Variants in RELL1 observed in about 807,000 individuals in gnomAD.
RELL1 encodes RELT-like protein 1.
RELL1 carries 10 observed loss-of-function variants against 23.0 expected under a neutral mutation model. The observed-to-expected ratio is 0.43, with a 90% CI of 0.27 to 0.74. RELL1 has a LOEUF of 0.74. Ranked by LOEUF, RELL1 falls within the 30% of genes least tolerant of loss-of-function variation. The pLI, the probability that RELL1 is intolerant of heterozygous loss-of-function variation, is 0.19. For synonymous variants in RELL1, 146 were observed against 146.8 expected, an observed-to-expected ratio of 0.99 and a Z score of 0.04; for missense variants, 315 against 364.4, an observed-to-expected ratio of 0.86 and a Z score of 1.10.
In RELL1 at chr4:37,678,015, A is replaced by T. The variant is rs1018414697; in HGVS notation, c.88+8185T>A. The stretch of plus-strand genomic sequence containing the variant: ...CCTGAGACTGAGTAATTTATTTTTT[A>T]AAAAAAGAGGTTTAATTGGCTCACA... On this transcript the variant is annotated intron_variant, in intron 1 of 6. Coordinates refer to ENST00000454158, the MANE Select transcript of RELL1 (RefSeq NM_001085400.2). 1.6e-4 allele frequency among the ~76,000 whole-genome samples: 25 copies of T among 152,282 alleles called. No individual in the cohort carries two copies. The East Asian group carries it at 2.1e-3, about 13-fold the overall frequency.
rs1560319798 is a variant in RELL1 at position 37,596,724 on chromosome 4, A to G, written c.*4-5507T>C. ...CAAAACTGGGCATATATATATATAT[A>G]TATATATATATATTTTTTTTTTTTT... On this transcript the variant is annotated intron_variant, in intron 6 of 6. Coordinates refer to the RELL1 transcript ENST00000314117. 1.7e-4 allele frequency among the ~76,000 whole-genome samples: 2 copies of G among 12,112 alleles called. 1 individual carries two copies. Among genetic ancestry groups the G allele is most frequent in the African/African-American group, 4.2e-4 (2 of 4,722 alleles). The allele number at this position is 12,112 out of a possible 152,430, so 7.9% of individuals were successfully genotyped here.
intron 1 of RELL1, among the ~76,000 whole-genome samples, chr4:37,670,090 G>C (rs2109307879): frequency 6.7e-6 from 1 of 149,258 alleles, no homozygotes; most frequent in East Asian, 2.0e-4. Flanking sequence ...AAAGGAACCT[G>C]TTAAAAAAAA....
At chr4:37,644,078 G>GA (rs1560343779) in intron 3 of RELL1, among the ~76,000 whole-genome samples, 2 of 152,122 alleles carry the variant, frequency 1.3e-5, no homozygotes, top group East Asian at 3.9e-4. Flanking sequence ...GGAGAGAGGA[G>GA]AAAAATGGCA....
downstream of RELL1, chr4:37,590,077 C>T (rs1181139888): frequency 6.3e-7 from 1 of 1,597,956 alleles, no homozygotes; most frequent in Non-Finnish European, 8.5e-7. Flanking sequence ...TTTTCATTGT[C>T]TTTCCTGAAG....
At chr4:37,683,908 C>T (rs1231767124) in intron 1 of RELL1, among the ~76,000 whole-genome samples, 3 of 151,504 alleles carry the variant, frequency 2.0e-5, no homozygotes, top group African/African-American at 4.8e-5. Context: ...GGTGAAACCC[C>T]GTCTCTACTA....
intron 1 of RELL1, among the ~76,000 whole-genome samples, chr4:37,660,840 G>GT (rs1721317491): frequency 6.6e-6 from 1 of 152,074 alleles, no homozygotes; most frequent in Non-Finnish European, 1.5e-5. Flanking sequence ...GACCATCCTG[G>GT]CTAACACGGT....
chr4:37,604,824 CACACACATACACACAG>C (rs201847101), intron 6 of RELL1, among the ~76,000 whole-genome samples: 3 of 98,828 alleles, frequency 3.0e-5, no homozygotes, highest in African/African-American at 4.5e-5. Flanking sequence ...CACACACAGA[CACACACATACACACAG>C]ACACACACAC....
At chr4:37,616,590 C>G (rs939874462) in intron 6 of RELL1, among the ~76,000 whole-genome samples, 6 of 152,352 alleles carry the variant, frequency 3.9e-5, no homozygotes, top group African/African-American at 1.2e-4. Flanking sequence ...AAGTATACAC[C>G]TACACAACAC....
At position 37,612,245 on chromosome 4, in the gene RELL1, C is replaced by T. The variant is rs1202194012; in HGVS notation, c.*1101G>A. ...TTGTTTTGGCCTTGGGTTGTCCAAA[C>T]AAATTTGTGTGTGTGTGACTTTCAA... On this transcript the variant is annotated 3_prime_UTR_variant, in exon 7 of 7. Coordinates refer to ENST00000454158, the MANE Select transcript of RELL1 (RefSeq NM_001085400.2). 7.2e-5 allele frequency among the ~76,000 whole-genome samples: 9 copies of T among 125,508 alleles called. No homozygotes were observed. Among genetic ancestry groups the T allele is most frequent in the African/African-American group, 2.4e-4 (8 of 33,340 alleles). The allele number at this position is 125,508 out of a possible 152,430, so 82.3% of individuals were successfully genotyped here.
At chr4:37,666,656 G>A (rs912072286) in intron 1 of RELL1, among the ~76,000 whole-genome samples, 3 of 152,168 alleles carry the variant, frequency 2.0e-5, no homozygotes, top group Admixed American at 1.3e-4. Flanking sequence ...TGGGCTGGAA[G>A]GGGCAGTGTT....
intron 6 of RELL1, among the ~76,000 whole-genome samples, chr4:37,619,090 G>T (rs768400691): frequency 2.6e-5 from 4 of 151,996 alleles, no homozygotes; most frequent in Non-Finnish European, 5.9e-5. Flanking sequence ...TGTTAGTCAG[G>T]CTGGTCTTGA....
Position 37,660,248 on chromosome 4 carries a change from A to G in RELL1, c.89-10748T>C, listed in dbSNP as rs193270959. On this transcript the variant is annotated intron_variant, in intron 1 of 6. Transcript: ENST00000454158. The stretch of plus-strand genomic sequence containing the variant: ...CAGCTACCTGTGTGATACTGAACAA[A>G]TCACTTCACCTCCCTGGGCCTCAGT... Among the ~76,000 whole-genome samples the G allele has an allele frequency of 1.1e-3, 172 of 151,378 alleles. 1 individual carries two copies. The highest frequency in any genetic ancestry group is 3.4e-3 in the African/African-American group (140 of 41,186).
downstream of RELL1, chr4:37,590,565 A>G (rs1342824130): frequency 6.2e-7 from 1 of 1,614,198 alleles, no homozygotes; most frequent in East Asian, 2.2e-5. Flanking sequence ...CTGAGGCAGA[A>G]AGTTTTGCCT....
intron 1 of RELL1, among the ~76,000 whole-genome samples, chr4:37,650,027 G>A (rs1720853562): frequency 6.6e-6 from 1 of 152,188 alleles, no homozygotes; most frequent in Non-Finnish European, 1.5e-5. Context: ...GGTTTCTTAT[G>A]AAATGGGCAT....
At chr4:37,667,552 A>C (rs1425560067) in intron 1 of RELL1, among the ~76,000 whole-genome samples, 4 of 149,308 alleles carry the variant, frequency 2.7e-5, no homozygotes, top group African/African-American at 9.9e-5. Context: ...TCCATAGCTC[A>C]TCTCTATTAT....
intron 6 of RELL1, among the ~76,000 whole-genome samples, chr4:37,618,813 G>A (rs1173200389): frequency 6.6e-6 from 1 of 152,170 alleles, no homozygotes; most frequent in African/African-American, 2.4e-5. Context: ...GCTTTGGTGT[G>A]GGATAATGTC....
intron 1 of RELL1, among the ~76,000 whole-genome samples, chr4:37,661,009 T>C (rs1304592941): frequency 2.9e-4 from 44 of 150,404 alleles, no homozygotes; most frequent in Middle Eastern, 3.4e-3. Context: ...CCAGCCTGGG[T>C]GACAGAGTGA....
rs531080179 is a variant in RELL1, at chr4:37,610,919, T to C, written c.*2427A>G. Among the ~76,000 whole-genome samples, 1 of 152,316 alleles carries C rather than the reference T, an allele frequency of 6.6e-6. No individual in the cohort carries two copies. Among genetic ancestry groups the C allele is most frequent in the East Asian group, 1.9e-4 (1 of 5,186 alleles). ...TGGGAACACAGGAATTCTCATCAGA[T>C]AGTTCAGTATAAACCAGTAAAAAGC... On this transcript the variant is annotated 3_prime_UTR_variant, in exon 7 of 7. Transcript: ENST00000454158. The surrounding 1 kb of genome is among the most constrained non-coding windows in gnomAD (Gnocchi z 4.1).
intron 6 of RELL1, among the ~76,000 whole-genome samples, chr4:37,619,336 T>G (rs915728896): frequency 1.3e-5 from 2 of 150,346 alleles, no homozygotes; most frequent in Admixed American, 6.6e-5. Flanking sequence ...GCGTGCGGCA[T>G]CACACCTGGC....
Sources: allele counts gnomAD v4.1 joint callset (sites outside exome capture counted in the v4.1 genomes callset), GRCh38; gene constraint gnomAD v4.1.1; non-coding constraint Gnocchi (gnomAD v3.1); transcripts MANE v1.5; gene names NCBI Gene and HGNC (gene_info 2026-07-23, HGNC 2026-07-21).